Variants in ADAM9 observed in about 807,000 individuals in gnomAD.
ADAM9 encodes the protein ADAM metallopeptidase domain 9, also known as disintegrin and metalloproteinase domain-containing protein 9.
In ADAM9, 54 loss-of-function variants were observed where a neutral mutation model predicts 108.1. That is an observed-to-expected ratio of 0.50 (90% CI 0.40 to 0.63). ADAM9 has a LOEUF of 0.63. ADAM9 is among the 20% of genes least tolerant of loss of function. ADAM9 has a pLI of 0.00. For missense variants in ADAM9, 830 were observed against 997.7 expected (o/e 0.83, Z 2.26); for synonymous variants, 316 against 336.0 (o/e 0.94, Z 0.65).
intron 11 of ADAM9, among the ~76,000 whole-genome samples, chr8:39,033,899 A>G (rs76765229): frequency 1.3e-5 from 2 of 152,288 alleles, no homozygotes; most frequent in East Asian, 1.9e-4. Flanking sequence ...GGATGTTCCA[A>G]TTACCCTGAT....
chr8:39,098,341 A>G (rs1163748072), intron 20 of ADAM9, among the ~76,000 whole-genome samples: 1 of 152,154 alleles, frequency 6.6e-6, no homozygotes, highest in Non-Finnish European at 1.5e-5. Flanking sequence ...ATTCTTAGCA[A>G]TTATTTCTTT....
rs1837698593 is a variant in ADAM9, at chr8:39,045,387, T to TGTGTGTACACACACCTATATGTGCAC, written c.1302+3294_1302+3295insACGTGTGTACACACACCTATATGTGC. ...AGGTGTGTGTACATACACCTATAGGTGTGTGTACACACACCTATATGTGCG... is the reference window on the plus strand; with the variant it reads ...AGGTGTGTGTACATACACCTATAGGTGTGTGTACACACACCTATATGTGCACGTGTGTACACACACCTATATGTGCG... On this transcript the variant is annotated intron_variant, in intron 12 of 21. Transcript: ENST00000487273. Among the ~76,000 whole-genome samples, 21 of 46,704 alleles carry TGTGTGTACACACACCTATATGTGCAC rather than the reference T, an allele frequency of 4.5e-4. 3 individuals are homozygous for TGTGTGTACACACACCTATATGTGCAC. Among genetic ancestry groups the TGTGTGTACACACACCTATATGTGCAC allele is most frequent in the South Asian group, 2.2e-3 (3 of 1,340 alleles). The allele number at this position is 46,704 out of a possible 152,430, so 30.6% of individuals were successfully genotyped here.
chr8:39,040,943 T>A (rs1274253083), intron 11 of ADAM9, among the ~76,000 whole-genome samples: 1 of 152,114 alleles, frequency 6.6e-6, no homozygotes, highest in South Asian at 2.1e-4. Context: ...TACACAAAAA[T>A]CAACTCAAAA....
At chr8:39,018,522 A>G (rs1422323845) in intron 6 of ADAM9, 1 of 293,130 alleles carries the variant, frequency 3.4e-6, no homozygotes, top group African/African-American at 2.2e-5. Flanking sequence ...AAAATTGGTA[A>G]TTCTGCTTTG....
chr8:39,011,792 T>C, intron 3 of ADAM9, 76 bp downstream of exon 3: 8 of 1,339,152 alleles, frequency 6.0e-6, no homozygotes, highest in Non-Finnish European at 8.6e-6. Flanking sequence ...TAGTTTGATA[T>C]GGTTTAGTGG....
intron 4 of ADAM9, chr8:39,014,921 T>C (rs927094587): frequency 2.0e-5 from 4 of 198,022 alleles, no homozygotes; most frequent in Non-Finnish European, 4.1e-5. Context: ...AGTGTGTTGT[T>C]GGTCCATTGT....
chr8:39,044,885 T>TGTGTGC (rs1837569624), intron 12 of ADAM9, among the ~76,000 whole-genome samples: 1 of 137,354 alleles, frequency 7.3e-6, no homozygotes, highest in Non-Finnish European at 1.5e-5. Flanking sequence ...CATATATATG[T>TGTGTGC]ATATATATGT....
intron 1 of ADAM9, among the ~76,000 whole-genome samples, chr8:39,007,218 A>G (rs374003820): frequency 6.6e-6 from 1 of 152,098 alleles, no homozygotes; most frequent in African/African-American, 2.4e-5. Flanking sequence ...CTTTTTAACA[A>G]CCAGCTCTTG....
chr8:39,093,163 T>C (rs1031758844), intron 20 of ADAM9, among the ~76,000 whole-genome samples: 1 of 152,208 alleles, frequency 6.6e-6, no homozygotes, highest in East Asian at 1.9e-4. Context: ...TTAATAGATA[T>C]TGCATTGAAT....
In ADAM9 at chr8:39,055,576, G is replaced by T. The variant is rs763326896; in HGVS notation, c.1396-1G>T. 1 of 1,613,444 alleles carries T rather than the reference G, an allele frequency of 6.2e-7. No individual in the cohort carries two copies. The highest frequency in any genetic ancestry group is 8.5e-7 in the Non-Finnish European group (1 of 1,179,500). On this transcript the variant is annotated splice_acceptor_variant, in intron 13 of 21. Coordinates refer to ENST00000487273, the MANE Select transcript of ADAM9 (RefSeq NM_003816.3). LOFTEE classifies it high-confidence loss of function. ...GTTTAATTTGAATTCTATTTCACTA[G>T]TTCCTTCCAGGAGGTACTTTATGCC... is the stretch of plus-strand genomic sequence containing the variant.
chr8:39,101,937 A>G lies in ADAM9; in HGVS notation c.2366+7A>G, dbSNP rs757768641. 1.2e-6 allele frequency: 2 copies of G among 1,612,012 alleles called. No individual in the cohort carries two copies. Among genetic ancestry groups the G allele is most frequent in the South Asian group, 1.1e-5 (1 of 91,042 alleles). On this transcript the variant is annotated splice_region_variant and intron_variant, in intron 21 of 21. Transcript: ENST00000487273. Reference sequence around the variant, plus strand: ...CTCAGCAGTTCCCATCAAGGTCAGAAGAAAATTTGCTTAGATTTTTTGGCC... The same window carrying G: ...CTCAGCAGTTCCCATCAAGGTCAGAGGAAAATTTGCTTAGATTTTTTGGCC...
intron 14 of ADAM9, among the ~76,000 whole-genome samples, chr8:39,068,549 C>T (rs960618012): frequency 2.0e-5 from 3 of 151,314 alleles, no homozygotes; most frequent in Non-Finnish European, 4.4e-5. Flanking sequence ...ATGGCGGGCA[C>T]CTGTAATCCC....
intron 3 of ADAM9, among the ~76,000 whole-genome samples, chr8:39,012,697 C>CA (rs1836394535): frequency 1.3e-5 from 2 of 152,082 alleles, no homozygotes; most frequent in Admixed American, 6.5e-5. Context: ...ATTGCAAGGA[C>CA]AAAAAACCAA....
At chr8:39,033,142 T>A (rs1837150617) in intron 11 of ADAM9, among the ~76,000 whole-genome samples, 2 of 152,266 alleles carry the variant, frequency 1.3e-5, no homozygotes, top group Admixed American at 6.5e-5. Context: ...ATACATATTT[T>A]GTTAGATTTA....
In ADAM9 at chr8:39,014,008, GAAGGGACTTTAAT is replaced by G; in HGVS notation, c.299_311del (p.Glu100AlafsTer39). On this transcript the variant is annotated frameshift_variant, in exon 4 of 22. Coordinates refer to ENST00000487273, the MANE Select transcript of ADAM9 (RefSeq NM_003816.3). LOFTEE classifies it high-confidence loss of function. Reference sequence around the variant, plus strand: ...TTTTGTGGTTTATACTTACAACAAGGAAGGGACTTTAATCACTGACCATCCCAATATACAGGTA... The same window carrying G: ...TTTTGTGGTTTATACTTACAACAAGGCACTGACCATCCCAATATACAGGTA... The G allele has an allele frequency of 6.2e-7, 1 of 1,613,686 alleles. No individual in the cohort carries two copies. The highest frequency in any genetic ancestry group is 8.5e-7 in the Non-Finnish European group (1 of 1,179,742).
chr8:39,069,651 T>G (rs1415047680), intron 14 of ADAM9, among the ~76,000 whole-genome samples: 1 of 152,136 alleles, frequency 6.6e-6, no homozygotes, highest in Non-Finnish European at 1.5e-5. Flanking sequence ...CATGATCTCA[T>G]CCACCGTGAG....
chr8:39,047,872 GTTGT>G (rs991647633), intron 12 of ADAM9, among the ~76,000 whole-genome samples: 4 of 147,848 alleles, frequency 2.7e-5, no homozygotes, highest in Admixed American at 1.4e-4. Context: ...GTAAAGTTAG[GTTGT>G]TTATTTGAGT....
chr8:39,017,062 C>T, intron 5 of ADAM9, 157 bp from the exon 6 acceptor site: 1 of 789,294 alleles, frequency 1.3e-6, no homozygotes. Flanking sequence ...TAGGTCCGTC[C>T]CAGCCCTATC....
chr8:39,040,719 A>G (rs972589840), intron 11 of ADAM9, among the ~76,000 whole-genome samples: 10 of 152,214 alleles, frequency 6.6e-5, no homozygotes, highest in Non-Finnish European at 1.5e-4. Flanking sequence ...TATAGTAATC[A>G]AAACAGCATG....
Sources: allele counts gnomAD v4.1 joint callset (sites outside exome capture counted in the v4.1 genomes callset), GRCh38; gene constraint gnomAD v4.1.1; transcripts MANE v1.5; gene names NCBI Gene and HGNC (gene_info 2026-07-23, HGNC 2026-07-21).